Variants in TEKT5 observed in about 807,000 individuals in gnomAD.
TEKT5 encodes tektin-5.
A neutral mutation model predicts 48.7 loss-of-function variants in TEKT5; 52 were observed. The ratio of observed to expected loss-of-function variants is 1.07; its 90% CI spans 0.86 to 1.35. TEKT5 has a LOEUF of 1.35. Among genes scored for constraint, TEKT5 ranks in the 40% most tolerant of loss-of-function variants. The pLI is 0.00. For synonymous variants in TEKT5, 318 were observed against 267.6 expected (o/e 1.19, Z -1.84); for missense variants, 831 against 641.6 (o/e 1.30, Z -3.19).
chr16:10,634,764 G>A (rs35436597), intron 6 of TEKT5, among the ~76,000 whole-genome samples: 6,753 of 152,230 alleles, frequency 0.044, 305 homozygotes, highest in East Asian at 0.24. Flanking sequence ...ACCCATGGGT[G>A]AATGAGGGTG....
intron 5 of TEKT5, among the ~76,000 whole-genome samples, chr16:10,660,204 C>G (rs1001651866): frequency 6.6e-6 from 1 of 152,092 alleles, no homozygotes; most frequent in African/African-American, 2.4e-5. Context: ...CCCACTTATT[C>G]CAGTGTAAGG....
chr16:10,636,087 C>G (rs958145844), intron 5 of TEKT5, among the ~76,000 whole-genome samples, 169 bp from the exon 6 acceptor site: 1 of 152,150 alleles, frequency 6.6e-6, no homozygotes, highest in Non-Finnish European at 1.5e-5. Flanking sequence ...TCCTAAGAAA[C>G]CTTGAGGCTG....
chr16:10,628,656 G>C (rs1897791629), intron 6 of TEKT5, among the ~76,000 whole-genome samples: 1 of 152,162 alleles, frequency 6.6e-6, no homozygotes, highest in African/African-American at 2.4e-5. Context: ...TGAAATCCCA[G>C]CACTTTGGGA....
At chr16:10,629,614 TCTTC>T (rs1897807661) in intron 6 of TEKT5, among the ~76,000 whole-genome samples, 1 of 152,122 alleles carries the variant, frequency 6.6e-6, no homozygotes, top group African/African-American at 2.4e-5. Context: ...CTCACTCAGG[TCTTC>T]CTTACTGGCC....
intron 5 of TEKT5, among the ~76,000 whole-genome samples, chr16:10,639,833 G>A (rs989737111): frequency 6.6e-6 from 1 of 152,164 alleles, no homozygotes; most frequent in East Asian, 1.9e-4. Context: ...CTCCTGGGGA[G>A]GGTCCAGGCC....
intron 5 of TEKT5, among the ~76,000 whole-genome samples, chr16:10,657,346 T>C (rs970690138): frequency 2.6e-5 from 4 of 152,012 alleles, no homozygotes; most frequent in African/African-American, 9.7e-5. Flanking sequence ...CAGGCTGGTC[T>C]CGAACTCCCG....
chr16:10,677,742 A>ACCACCCTGGGCAATGTGGT (rs1555467156), intron 4 of TEKT5, among the ~76,000 whole-genome samples: 14 of 151,584 alleles, frequency 9.2e-5, no homozygotes, highest in Admixed American at 3.3e-4. Context: ...TGTGTCTGGG[A>ACCACCCTGGGCAATGTGGT]GGGAGGTAGC....
At chr16:10,684,015 C>T (rs1424410067) in intron 3 of TEKT5, among the ~76,000 whole-genome samples, 2 of 152,192 alleles carry the variant, frequency 1.3e-5, no homozygotes, top group Non-Finnish European at 2.9e-5. Flanking sequence ...AATATTAATA[C>T]TACGTAGGCA....
chr16:10,672,423 C>T (rs150776337), intron 5 of TEKT5, among the ~76,000 whole-genome samples: 1 of 152,100 alleles, frequency 6.6e-6, no homozygotes, highest in East Asian at 1.9e-4. Flanking sequence ...AAAACGCCGT[C>T]TCTACAAAAA....
intron 5 of TEKT5, among the ~76,000 whole-genome samples, chr16:10,655,499 G>C (rs1898246655): frequency 6.6e-6 from 1 of 152,178 alleles, no homozygotes; most frequent in Non-Finnish European, 1.5e-5. Context: ...ATGTTTATAT[G>C]TTTGTGGCAT....
intron 5 of TEKT5, among the ~76,000 whole-genome samples, chr16:10,651,659 G>A (rs549163136): frequency 2.0e-5 from 3 of 152,236 alleles, no homozygotes; most frequent in Non-Finnish European, 4.4e-5. Flanking sequence ...TGGAGTGTGC[G>A]TTAAAGACAA....
chr16:10,660,897 C>A (rs187483358), intron 5 of TEKT5, among the ~76,000 whole-genome samples: 1 of 152,070 alleles, frequency 6.6e-6, no homozygotes. Context: ...GATGTGGTTT[C>A]GCCATGTTGG....
intron 5 of TEKT5, among the ~76,000 whole-genome samples, chr16:10,640,074 C>CT (rs1897970676): frequency 7.3e-6 from 1 of 136,554 alleles, no homozygotes; most frequent in Admixed American, 7.4e-5. Flanking sequence ...TTTCTTTCTC[C>CT]TTCTTCTCCT....
At chr16:10,647,471 CAA>C (rs35976644) in intron 5 of TEKT5, among the ~76,000 whole-genome samples, 135 of 114,186 alleles carry the variant, frequency 1.2e-3, no homozygotes, top group East Asian at 1.7e-3. Flanking sequence ...GACCCTGTCT[CAA>C]AAAAAAAAAA....
At chr16:10,631,272 A>AAAG (rs1555464283) in intron 6 of TEKT5, among the ~76,000 whole-genome samples, 1 of 128,764 alleles carries the variant, frequency 7.8e-6, no homozygotes, top group African/African-American at 3.0e-5. Context: ...AAAAAAAAAA[A>AAAG]AGAGAGAGAG....
intron 5 of TEKT5, among the ~76,000 whole-genome samples, chr16:10,654,925 C>A (rs1290354123): frequency 2.2e-5 from 1 of 45,938 alleles, no homozygotes. Context: ...TGTCCTGTCT[C>A]CCCCCCCTCC....
chr16:10,668,907 C>T (rs1195146231), intron 5 of TEKT5, among the ~76,000 whole-genome samples: 1 of 151,718 alleles, frequency 6.6e-6, no homozygotes, highest in East Asian at 2.0e-4. Context: ...GTGGTGGGGT[C>T]TGAGGCTAAC....
In TEKT5 at chr16:10,627,588, T is replaced by C. The variant is rs1897769815; in HGVS notation, c.1453A>G (p.Thr485Ala). Residue 485 changes from threonine (T) to alanine (A), a missense_variant, in exon 7 of 7, where the codon ACC (threonine) becomes GCC (alanine). Thr to Ala is a moderately conservative substitution (Grantham distance 58, BLOSUM62 0). Coordinates refer to ENST00000283025, the MANE Select transcript of TEKT5 (RefSeq NM_144674.2). ...ATGAGGCGCCAGGGCGGTGCTCAGG[T>C]GTGGCCCACCAGGCGCGGGGTGCAG... ...FPCTPRLVGH[T>A] 1 of 1,613,982 alleles carries C rather than the reference T, an allele frequency of 6.2e-7. No homozygotes were observed. Among genetic ancestry groups the C allele is most frequent in the African/African-American group, 1.3e-5 (1 of 74,948 alleles).
chr16:10,693,984 A>G (rs1289879772), intron 1 of TEKT5, among the ~76,000 whole-genome samples: 2 of 152,052 alleles, frequency 1.3e-5, no homozygotes, highest in East Asian at 3.9e-4. Context: ...ATAAATAAAT[A>G]AGTCAGTTAT....
Sources: allele counts gnomAD v4.1 joint callset (sites outside exome capture counted in the v4.1 genomes callset), GRCh38; gene constraint gnomAD v4.1.1; transcripts MANE v1.5; gene names NCBI Gene and HGNC (gene_info 2026-07-23, HGNC 2026-07-21).